The following RYR3 variants were observed in gnomAD, a reference collection of about 807,000 sequenced individuals.
RYR3 encodes ryanodine receptor 3.
Under a neutral mutation model 584.3 loss-of-function variants are expected in RYR3, and 207 were observed. That is an observed-to-expected ratio of 0.35 (90% CI 0.32 to 0.40). The LOEUF (loss-of-function observed/expected upper bound fraction) is 0.40, where lower values mean the gene tolerates loss of function less well. Among genes scored for constraint, RYR3 ranks in the 10% least tolerant of loss-of-function variants. The pLI is 1.00. For synonymous variants in RYR3, 2,416 were observed against 2,248.5 expected (o/e 1.07, Z -2.11); for missense variants, 5,616 against 6,089.2 (o/e 0.92, Z 2.59).
chr15:33,769,105 AT>A lies in RYR3; in HGVS notation c.8756-5del. The A allele has an allele frequency of 2.5e-6, 4 of 1,609,484 alleles. No homozygotes were observed. The highest frequency in any genetic ancestry group is 3.4e-6 in the Non-Finnish European group (4 of 1,175,860). On this transcript the variant is annotated splice_region_variant and splice_polypyrimidine_tract_variant and intron_variant, in intron 61 of 103. Coordinates refer to ENST00000634891, the MANE Select transcript of RYR3 (RefSeq NM_001036.6). ...GAGGGAATCACAGATGATTTTTTTT[AT>A]TCCAGGTAGTGATTCTACTACAATG...
At chr15:33,777,068 G>T (rs1335660336) in intron 64 of RYR3, among the ~76,000 whole-genome samples, 2 of 152,246 alleles carry the variant, frequency 1.3e-5, no homozygotes. Context: ...ACATGCCATA[G>T]TCCTAACTAT....
rs566976848 is a variant in RYR3, at chr15:33,652,629, A to G, written c.4143-89A>G. ...GAAAGCTTCCTAGGAAAGTTTCTGT[A>G]GCCATTTTCATTTTTCATTTCATTC... is the stretch of plus-strand genomic sequence containing the variant. On this transcript the variant is annotated intron_variant, in intron 31 of 103. Coordinates refer to ENST00000634891, the MANE Select transcript of RYR3 (RefSeq NM_001036.6). The G allele has an allele frequency of 5.9e-6, 8 of 1,359,272 alleles. No homozygotes were observed. The African/African-American group carries it at 1.0e-4, about 17-fold the overall frequency. 84.2% of individuals were successfully genotyped at this position (1,359,272 alleles called of 1,614,324 possible). A position where few individuals can be genotyped will look rare whatever the true frequency, so the allele number is the denominator to read the frequency against.
intron 3 of RYR3, among the ~76,000 whole-genome samples, chr15:33,504,542 A>G (rs1361662766): frequency 1.3e-5 from 2 of 152,086 alleles, no homozygotes; most frequent in African/African-American, 2.4e-5. Flanking sequence ...GATTCCTCCT[A>G]TACTTACCCC....
chr15:33,555,596 A>G (rs987961564), intron 10 of RYR3, among the ~76,000 whole-genome samples: 14 of 152,186 alleles, frequency 9.2e-5, no homozygotes, highest in African/African-American at 3.4e-4. Flanking sequence ...TATGCTGTTC[A>G]TATGTTTTGT....
At chr15:33,523,503 A>C (rs1033737022) in intron 3 of RYR3, among the ~76,000 whole-genome samples, 1 of 152,110 alleles carries the variant, frequency 6.6e-6, no homozygotes, top group East Asian at 1.9e-4. Flanking sequence ...TTCATTCTTG[A>C]AGTCAGTGAG....
chr15:33,506,704 C>G (rs1484656623), intron 3 of RYR3, among the ~76,000 whole-genome samples: 1 of 152,162 alleles, frequency 6.6e-6, no homozygotes, highest in Non-Finnish European at 1.5e-5. Flanking sequence ...GGTACTAGAA[C>G]CCTCTTGGAA....
At chr15:33,821,930 A>G (rs1217370918) in intron 80 of RYR3, among the ~76,000 whole-genome samples, 1 of 152,118 alleles carries the variant, frequency 6.6e-6, no homozygotes, top group East Asian at 1.9e-4. Flanking sequence ...CTTTATTTTC[A>G]CTAATTAGCT....
chr15:33,356,175 G>A (rs145870484), intron 1 of RYR3, among the ~76,000 whole-genome samples: 36 of 152,242 alleles, frequency 2.4e-4, no homozygotes, highest in Admixed American at 6.5e-5. Flanking sequence ...GAGAAGGTCC[G>A]TGTTAGTCTT....
intron 48 of RYR3, among the ~76,000 whole-genome samples, chr15:33,735,797 G>T (rs995685847): frequency 6.6e-6 from 1 of 152,154 alleles, no homozygotes; most frequent in Non-Finnish European, 1.5e-5. Flanking sequence ...AAGGCGGAGG[G>T]CTTTAAAGTT....
At chr15:33,449,674 C>T (rs1270562135) in intron 1 of RYR3, among the ~76,000 whole-genome samples, 1 of 152,146 alleles carries the variant, frequency 6.6e-6, no homozygotes, top group Non-Finnish European at 1.5e-5. Flanking sequence ...ATAATGAAAC[C>T]TGAAAGAATT....
intron 1 of RYR3, among the ~76,000 whole-genome samples, chr15:33,365,685 G>A (rs1975393447): frequency 6.6e-6 from 1 of 152,190 alleles, no homozygotes; most frequent in Admixed American, 6.5e-5. Flanking sequence ...TAGAGCTCAT[G>A]TTAAATATTC....
At chr15:33,721,680 T>C (rs1352912557) in intron 43 of RYR3, among the ~76,000 whole-genome samples, 3 of 152,172 alleles carry the variant, frequency 2.0e-5, no homozygotes, top group African/African-American at 7.2e-5. Context: ...AGGCTTTAGC[T>C]AACACAACAT....
chr15:33,742,575 T>C (rs779728473), intron 52 of RYR3, 131 bp downstream of exon 52: 4 of 656,458 alleles, frequency 6.1e-6, no homozygotes, highest in Non-Finnish European at 1.1e-5. Flanking sequence ...ATTCATTATT[T>C]CTGAGCAGCA....
chr15:33,362,413 TCAGCAG>T (rs979552217), intron 1 of RYR3, among the ~76,000 whole-genome samples: 3 of 152,024 alleles, frequency 2.0e-5, no homozygotes, highest in Non-Finnish European at 2.9e-5. Context: ...ATCATCATCA[TCAGCAG>T]CAGCAGCAGC....
intron 27 of RYR3, among the ~76,000 whole-genome samples, chr15:33,644,058 C>T (rs1385706580): frequency 6.6e-6 from 1 of 152,164 alleles, no homozygotes; most frequent in Non-Finnish European, 1.5e-5. Flanking sequence ...ATATTCTTAA[C>T]TGGATCATCG....
At chr15:33,322,719 A>G (rs1474564416) in intron 1 of RYR3, among the ~76,000 whole-genome samples, 6 of 152,078 alleles carry the variant, frequency 3.9e-5, no homozygotes, top group Non-Finnish European at 7.4e-5. Context: ...TCTATCCAGA[A>G]CAACTTTTTT....
At chr15:33,573,350 T>C (rs542357086) in intron 12 of RYR3, among the ~76,000 whole-genome samples, 2 of 152,324 alleles carry the variant, frequency 1.3e-5, no homozygotes, top group South Asian at 4.1e-4. Context: ...CTTTGTATGC[T>C]GTGTGCACAC....
rs145007507 is a variant in RYR3, at chr15:33,435,684, G to A, written c.52-37735G>A. Among the ~76,000 whole-genome samples the A allele has an allele frequency of 5.5e-3, 832 of 152,228 alleles. 6 individuals carry two copies. The highest frequency in any genetic ancestry group is 0.019 in the African/African-American group (774 of 41,508). ...ACCTCAAGCGTTACAGCTCTTAAAG[G>A]TGGCATGTCCGGAGTTGATTGTTCC... On this transcript the variant is annotated intron_variant, in intron 1 of 103. Transcript: ENST00000634891.
At chr15:33,591,527 A>G (rs2059129453) in intron 16 of RYR3, among the ~76,000 whole-genome samples, 1 of 152,210 alleles carries the variant, frequency 6.6e-6, no homozygotes, top group Non-Finnish European at 1.5e-5. Context: ...ATAACACACT[A>G]TGTTAGTAGC....
Sources: gnomAD v4.1 joint callset for allele counts (sites outside exome capture counted in the v4.1 genomes callset) on GRCh38, gnomAD v4.1.1 for gene constraint, MANE v1.5 for transcripts, NCBI Gene and HGNC (gene_info 2026-07-23, HGNC 2026-07-21) for gene names.